The following XNDC1N variants were observed in gnomAD, a reference collection of about 807,000 sequenced individuals.
The protein encoded by XNDC1N is protein XNDC1N.
chr11:71,890,727 T>C, the XNDC1N span, among the ~76,000 whole-genome samples: 2,249 of 140,286 alleles, frequency 0.016, no homozygotes, highest in African/African-American at 0.039. Flanking sequence ...TCTCCCCTCA[T>C]GATTATTAAG....
chr11:71,883,752 A>G, the XNDC1N span, among the ~76,000 whole-genome samples: 3 of 152,338 alleles, frequency 2.0e-5, no homozygotes, highest in Admixed American at 6.5e-5. Flanking sequence ...GGGAATATTT[A>G]TGGGAGATTA....
At chr11:71,904,789 T>C in the XNDC1N span, among the ~76,000 whole-genome samples, 1 of 151,944 alleles carries the variant, frequency 6.6e-6, no homozygotes, top group East Asian at 1.9e-4. Flanking sequence ...TCACAGCAGG[T>C]GTACATATAT....
At chr11:71,911,442 A>G in the XNDC1N span, among the ~76,000 whole-genome samples, 3 of 152,180 alleles carry the variant, frequency 2.0e-5, no homozygotes, top group East Asian at 5.8e-4. Flanking sequence ...ACTGGGAACT[A>G]TATGTGGATG....
At chr11:71,873,545 C>T in the XNDC1N span, among the ~76,000 whole-genome samples, 59 of 152,258 alleles carry the variant, frequency 3.9e-4, no homozygotes, top group Middle Eastern at 3.4e-3. Flanking sequence ...GATGGTGACA[C>T]AGGAACAAAG....
the XNDC1N span, among the ~76,000 whole-genome samples, chr11:71,925,543 A>C: frequency 1.3e-5 from 2 of 152,206 alleles, no homozygotes; most frequent in African/African-American, 4.8e-5. Context: ...GATTAATTAA[A>C]GCTCACTATT....
chr11:71,894,731 C>T, the XNDC1N span, among the ~76,000 whole-genome samples: 1 of 152,296 alleles, frequency 6.6e-6, no homozygotes, highest in African/African-American at 2.4e-5. Flanking sequence ...TTTGGAATTC[C>T]CTGAAAACTG....
At chr11:71,888,832 T>C in the XNDC1N span, among the ~76,000 whole-genome samples, 1 of 152,218 alleles carries the variant, frequency 6.6e-6, no homozygotes, top group Non-Finnish European at 1.5e-5. Flanking sequence ...AAAATCCCCG[T>C]ATAACCATTG....
chr11:71,897,718 C>A, the XNDC1N span, among the ~76,000 whole-genome samples: 1 of 151,388 alleles, frequency 6.6e-6, no homozygotes, highest in South Asian at 2.1e-4. Context: ...GGGTACCTAC[C>A]AAAAAGAATT....
the XNDC1N span, among the ~76,000 whole-genome samples, chr11:71,892,328 G>A: frequency 1.3e-5 from 2 of 151,828 alleles, no homozygotes; most frequent in Non-Finnish European, 2.9e-5. Context: ...AAGATCACAG[G>A]GTGTACCAAC....
chr11:71,871,437 A>C, the XNDC1N span, among the ~76,000 whole-genome samples: 4 of 152,216 alleles, frequency 2.6e-5, no homozygotes, highest in Admixed American at 6.5e-5. Flanking sequence ...CAGGAGAATA[A>C]GGTTTCTTTA....
chr11:71,905,593 T>C, the XNDC1N span, among the ~76,000 whole-genome samples: 1 of 151,968 alleles, frequency 6.6e-6, no homozygotes, highest in South Asian at 2.1e-4. Context: ...CTCACTCTGA[T>C]ATTGGAAGGA....
chr11:71,875,187 C>T, the XNDC1N span, among the ~76,000 whole-genome samples: 12 of 151,726 alleles, frequency 7.9e-5, no homozygotes, highest in Non-Finnish European at 1.3e-4. Context: ...GTAAAAATTA[C>T]TGTTTTGGAG....
At chr11:71,875,121 G>A in the XNDC1N span, among the ~76,000 whole-genome samples, 2 of 151,714 alleles carry the variant, frequency 1.3e-5, no homozygotes, top group Admixed American at 6.6e-5. Context: ...AACAATGAAA[G>A]GATGATTACA....
chr11:71,909,682 G>A, the XNDC1N span, among the ~76,000 whole-genome samples: 2 of 152,182 alleles, frequency 1.3e-5, no homozygotes, highest in East Asian at 1.9e-4. Context: ...AAAGAATATT[G>A]ACGTCATCGG....
At chr11:71,904,164 G>A in the XNDC1N span, 33 of 437,150 alleles carry the variant, frequency 7.5e-5, no homozygotes, top group Admixed American at 8.3e-4. Context: ...TTGTAGGATG[G>A]GTTAAAAAAG....
At chr11:71,919,743 G>A in the XNDC1N span, among the ~76,000 whole-genome samples, 1 of 149,354 alleles carries the variant, frequency 6.7e-6, no homozygotes. Flanking sequence ...TCAGCCTCCC[G>A]AGTAGCTGGG....
chr11:71,890,623 T>G, the XNDC1N span, among the ~76,000 whole-genome samples: 6 of 152,034 alleles, frequency 3.9e-5, no homozygotes, highest in African/African-American at 1.4e-4. Flanking sequence ...CCTGCAATAT[T>G]GGCAATAATA....
At chr11:71,891,906 C>G in the XNDC1N span, among the ~76,000 whole-genome samples, 3 of 151,846 alleles carry the variant, frequency 2.0e-5, no homozygotes, top group African/African-American at 7.2e-5. Context: ...GTGGTGTACA[C>G]CCCCTGTGAT....
the XNDC1N span, chr11:71,893,632 C>T: frequency 5.3e-6 from 6 of 1,122,878 alleles, no homozygotes; most frequent in Non-Finnish European, 8.0e-6. Context: ...TGACTCCCCC[C>T]TCCACACCCC....
Sources: allele counts gnomAD v4.1 joint callset (sites outside exome capture counted in the v4.1 genomes callset), GRCh38; gene constraint gnomAD v4.1.1; transcripts MANE v1.5; gene names NCBI Gene and HGNC (gene_info 2026-07-23, HGNC 2026-07-21).